AFF3: variants seen among roughly 807,000 people sequenced by gnomAD.
AFF3 encodes AF4/FMR2 family member 3.
AFF3 carries 32 observed loss-of-function variants against 129.7 expected under a neutral mutation model. The ratio of observed to expected loss-of-function variants is 0.25; its 90% confidence interval spans 0.19 to 0.33. The LOEUF is 0.33. AFF3 is among the 10% of genes least tolerant of loss of function. The probability of loss-of-function intolerance (pLI) is 1.00; values close to 1 mark genes in which losing one functional copy is unlikely to be tolerated. For missense variants in AFF3, 1,373 were observed against 1,592.0 expected (o/e 0.86, Z 2.34); for synonymous variants, 644 against 635.4 (o/e 1.01, Z -0.20).
Position 99,727,090 on chromosome 2 carries a change from T to G in AFF3, c.1078A>C (p.Thr360Pro). The G allele has an allele frequency of 6.2e-7, 1 of 1,607,056 alleles. No individual in the cohort carries two copies. The highest frequency in any genetic ancestry group is 8.5e-7 in the Non-Finnish European group (1 of 1,178,310). The change falls in exon 11 of 25, where the codon ACA (threonine) becomes CCA (proline). Residue 360 changes from threonine (T) to proline (P), a missense_variant. This residue lies in a region of AFF3 where 413 missense variants were observed against 424.4 expected (regional missense o/e 0.97). Coordinates refer to ENST00000672756, the MANE Select transcript of AFF3 (RefSeq NM_001386135.1). ...AAAGAAACTTACGATGTATTCGATG[T>G]GCCATTGTCTGGACTCTCTGGCTCT... ...DAEPESPDNGTSNTSMLEDDL... is the reference protein window; with the variant it reads ...DAEPESPDNGPSNTSMLEDDL...
At chr2:99,835,911 G>A (rs943071127) in intron 8 of AFF3, among the ~76,000 whole-genome samples, 6 of 152,176 alleles carry the variant, frequency 3.9e-5, no homozygotes, top group African/African-American at 4.8e-5. Context: ...GGGCGAGAGG[G>A]GCATGAGGCT....
intron 7 of AFF3, among the ~76,000 whole-genome samples, chr2:99,966,027 G>A (rs528824478): frequency 2.3e-4 from 35 of 152,156 alleles, no homozygotes; most frequent in African/African-American, 6.5e-4. Context: ...AAAGCACTAC[G>A]AAAAATCCAA....
At chr2:100,129,707 T>G (rs1692342724) in intron 1 of AFF3, among the ~76,000 whole-genome samples, 1 of 152,210 alleles carries the variant, frequency 6.6e-6, no homozygotes, top group Non-Finnish European at 1.5e-5. Flanking sequence ...TAATTTTTAC[T>G]GAGCGCTTAG....
intron 15 of AFF3, among the ~76,000 whole-genome samples, chr2:99,590,935 G>A (rs1185161122): frequency 6.6e-6 from 1 of 151,426 alleles, no homozygotes; most frequent in Non-Finnish European, 1.5e-5. Flanking sequence ...GGAGGTTGTG[G>A]TGAGCCAAGA....
In AFF3 at chr2:99,594,059, C is replaced by G. The variant is rs1328870672; in HGVS notation, c.1602G>C (p.Arg534Ser). ...KSTCKEEQRP[R>S]TANKAPGSKG... ...TACTCCCAGGGGCCTTGTTGGCTGT[C>G]CTTGGCCTTTGCTCCTCCTTGCAAG... is the stretch of plus-strand genomic sequence containing the variant. The change falls in exon 15 of 25, where the codon AGG (arginine) becomes AGC (serine). Residue 534 changes from arginine to serine, a missense_variant. Physicochemically the swap from Arg to Ser is moderately radical, Grantham distance 110. This residue lies in a region of AFF3 where 413 missense variants were observed against 424.4 expected (regional missense o/e 0.97). Coordinates refer to ENST00000672756, the MANE Select transcript of AFF3 (RefSeq NM_001386135.1). The G allele has an allele frequency of 6.2e-7, 1 of 1,613,374 alleles. No individual in the cohort carries two copies. Among genetic ancestry groups the G allele is most frequent in the East Asian group, 2.2e-5 (1 of 44,834 alleles).
At chr2:99,882,343 CA>C (rs1221432504) in intron 7 of AFF3, among the ~76,000 whole-genome samples, 10 of 152,230 alleles carry the variant, frequency 6.6e-5, no homozygotes, top group Non-Finnish European at 1.3e-4. Flanking sequence ...ATTCTAAAGA[CA>C]CTATATTTTT....
At chr2:99,834,670 C>T (rs1688735910) in intron 8 of AFF3, among the ~76,000 whole-genome samples, 2 of 152,178 alleles carry the variant, frequency 1.3e-5, no homozygotes, top group Non-Finnish European at 2.9e-5. Flanking sequence ...CTTTCTCGTC[C>T]TCTCAGAAAC....
intron 7 of AFF3, among the ~76,000 whole-genome samples, chr2:99,933,411 G>T (rs1674228027): frequency 6.6e-6 from 1 of 152,006 alleles, no homozygotes; most frequent in Admixed American, 6.5e-5. Context: ...TTGGTGGTTT[G>T]CTGCACCCAC....
chr2:99,954,083 G>C (rs1032329171), intron 7 of AFF3, among the ~76,000 whole-genome samples: 1 of 152,198 alleles, frequency 6.6e-6, no homozygotes, highest in African/African-American at 2.4e-5. Flanking sequence ...TGTGTGAATG[G>C]AGTGATATGG....
chr2:99,576,997 G>C (rs1219887477), intron 18 of AFF3, among the ~76,000 whole-genome samples: 1 of 152,084 alleles, frequency 6.6e-6, no homozygotes, highest in Non-Finnish European at 1.5e-5. Context: ...TGAGGGCCAG[G>C]AGTGTGTGTG....
chr2:99,696,987 T>C (rs959602838), intron 11 of AFF3, among the ~76,000 whole-genome samples: 2 of 152,170 alleles, frequency 1.3e-5, no homozygotes, highest in Non-Finnish European at 2.9e-5. Flanking sequence ...CCTGCCAGCC[T>C]TGCAGTTTCC....
rs922747062 is a variant in AFF3 at position 99,549,230 on chromosome 2, C to A, written c.*2244G>T. On this transcript the variant is annotated 3_prime_UTR_variant, in exon 25 of 25. Transcript: ENST00000672756. ...GCCTCAGTCCTCCAAAAAAATGACT[C>A]AAAATTTCTTAAGTTAGGTTCAAGT... 4.8e-5 allele frequency: 10 copies of A among 209,228 alleles called. No homozygotes were observed. Among genetic ancestry groups the A allele is most frequent in the Non-Finnish European group, 9.7e-6 (1 of 102,982 alleles). The allele number at this position is 209,228 out of a possible 1,614,324, so 13.0% of individuals were successfully genotyped here.
chr2:99,930,850 G>A (rs1480520859), intron 7 of AFF3, among the ~76,000 whole-genome samples: 1 of 152,176 alleles, frequency 6.6e-6, no homozygotes, highest in Admixed American at 6.5e-5. Flanking sequence ...TCAAGGACAT[G>A]TTCCATTTCT....
chr2:99,823,693 A>C (rs1037495488), intron 8 of AFF3, among the ~76,000 whole-genome samples: 4 of 152,206 alleles, frequency 2.6e-5, no homozygotes, highest in African/African-American at 9.7e-5. Context: ...AAAGACATGG[A>C]ATCAGTCTCC....
intron 7 of AFF3, among the ~76,000 whole-genome samples, chr2:99,928,711 G>A (rs1696459494): frequency 6.6e-6 from 1 of 152,212 alleles, no homozygotes. Flanking sequence ...AAAACAAGAT[G>A]CAGCCTCCGG....
At chr2:99,650,796 ATGTG>A (rs142082185) in intron 12 of AFF3, among the ~76,000 whole-genome samples, 9,531 of 144,754 alleles carry the variant, frequency 0.066, 368 homozygotes, top group Admixed American at 0.076. Flanking sequence ...ACTAAAATTA[ATGTG>A]TGTGTGTGTG....
chr2:99,836,618 C>T (rs1185962189), intron 8 of AFF3, among the ~76,000 whole-genome samples: 1 of 151,766 alleles, frequency 6.6e-6, no homozygotes, highest in Non-Finnish European at 1.5e-5. Context: ...AAAATTTTAA[C>T]CCAAGTAATT....
At chr2:99,684,862 T>C (rs1674891500) in intron 11 of AFF3, among the ~76,000 whole-genome samples, 2 of 152,058 alleles carry the variant, frequency 1.3e-5, no homozygotes, top group African/African-American at 4.8e-5. Context: ...ATAAAATGAA[T>C]CCAGGTGGTT....
intron 11 of AFF3, among the ~76,000 whole-genome samples, chr2:99,711,912 C>T (rs568157371): frequency 3.4e-4 from 52 of 152,032 alleles, no homozygotes; most frequent in Non-Finnish European, 6.6e-4. Flanking sequence ...ACAGCCCGGG[C>T]GACTCCTCAG....
Sources: allele counts gnomAD v4.1 joint callset (sites outside exome capture counted in the v4.1 genomes callset), GRCh38; gene constraint gnomAD v4.1.1; regional missense constraint gnomAD v4.1.1; transcripts MANE v1.5; gene names NCBI Gene and HGNC (gene_info 2026-07-23, HGNC 2026-07-21).